Variants in ARHGAP6 observed in about 807,000 individuals in gnomAD.
ARHGAP6 encodes rho GTPase-activating protein 6.
Under a neutral mutation model 55.7 loss-of-function variants are expected in ARHGAP6, and 16 were observed. The ratio of observed to expected loss-of-function variants is 0.29; its 90% CI spans 0.19 to 0.44. The LOEUF (loss-of-function observed/expected upper bound fraction) is 0.44, where lower values mean the gene tolerates loss of function less well. ARHGAP6 is among the 20% of genes least tolerant of loss of function. The pLI is 1.00. For missense variants in ARHGAP6, 698 were observed against 808.9 expected, an observed-to-expected ratio of 0.86 and a Z score of 1.66; for synonymous variants, 382 against 360.9, an observed-to-expected ratio of 1.06 and a Z score of -0.66.
chrX:11,431,170 A>C (rs778002872), intron 1 of ARHGAP6, among the ~76,000 whole-genome samples: 1 of 112,144 alleles, frequency 8.9e-6, no homozygotes, highest in African/African-American at 3.2e-5. Context: ...TTTTTTAAAA[A>C]ATAATAAATT....
intron 1 of ARHGAP6, among the ~76,000 whole-genome samples, chrX:11,392,230 C>T (rs1184806646): frequency 2.7e-5 from 3 of 111,791 alleles, no homozygotes; most frequent in African/African-American, 9.8e-5. Flanking sequence ...AGGTAACTTG[C>T]CCCAGCCTTA....
chrX:11,655,516 G>A (rs755861345), intron 1 of ARHGAP6, among the ~76,000 whole-genome samples: 1 of 111,935 alleles, frequency 8.9e-6, no homozygotes, highest in East Asian at 2.8e-4. Context: ...TGAGAGTTCC[G>A]ATTTTTCTAC....
chrX:11,255,953 C>T (rs1356966340), intron 1 of ARHGAP6, among the ~76,000 whole-genome samples: 1 of 112,258 alleles, frequency 8.9e-6, no homozygotes, highest in African/African-American at 3.2e-5. Context: ...AGGCATGCTG[C>T]AACAGATTTG....
chrX:11,253,962 T>C (rs751354090), intron 2 of ARHGAP6, among the ~76,000 whole-genome samples: 2 of 110,884 alleles, frequency 1.8e-5, no homozygotes, highest in Non-Finnish European at 3.8e-5. Context: ...CAAAGTTTTA[T>C]GGATTCAAGG....
At chrX:11,381,073 G>T (rs774683219) in intron 1 of ARHGAP6, among the ~76,000 whole-genome samples, 2 of 112,887 alleles carry the variant, frequency 1.8e-5, no homozygotes, top group Middle Eastern at 4.6e-3. Flanking sequence ...GGTTAAGTGA[G>T]GATGTATTTA....
intron 1 of ARHGAP6, among the ~76,000 whole-genome samples, chrX:11,521,845 T>C (rs2050932103): frequency 9.0e-6 from 1 of 111,350 alleles, no homozygotes; most frequent in Non-Finnish European, 1.9e-5. Context: ...GAGCAGTGGT[T>C]TGTGGTTCTC....
At chrX:11,429,891 C>A (rs918780210) in intron 1 of ARHGAP6, among the ~76,000 whole-genome samples, 1 of 112,235 alleles carries the variant, frequency 8.9e-6, no homozygotes, top group African/African-American at 3.2e-5. Flanking sequence ...GCAGCCAGGG[C>A]AGCCTGATGG....
At chrX:11,173,220 G>A (rs1389194928) in intron 8 of ARHGAP6, among the ~76,000 whole-genome samples, 2 of 112,061 alleles carry the variant, frequency 1.8e-5, no homozygotes, top group Admixed American at 9.4e-5. Flanking sequence ...GGGGAAACGG[G>A]AAAACGAGCT....
At chrX:11,534,510 T>C (rs2051083514) in intron 1 of ARHGAP6, among the ~76,000 whole-genome samples, 1 of 110,263 alleles carries the variant, frequency 9.1e-6, no homozygotes, top group Non-Finnish European at 1.9e-5. Flanking sequence ...AGAGGGCTTC[T>C]AGAAGCATCC....
At chrX:11,444,546 G>T (rs2050072930) in intron 1 of ARHGAP6, among the ~76,000 whole-genome samples, 1 of 112,194 alleles carries the variant, frequency 8.9e-6, no homozygotes, top group African/African-American at 3.2e-5. Context: ...GCCCTTTTGA[G>T]CTCCCCTCTT....
intron 1 of ARHGAP6, among the ~76,000 whole-genome samples, chrX:11,491,336 T>A (rs2050564927): frequency 9.0e-6 from 1 of 110,936 alleles, no homozygotes. Flanking sequence ...TAGCATTAGG[T>A]ATATCTCCTA....
intron 4 of ARHGAP6, among the ~76,000 whole-genome samples, chrX:11,187,190 C>T (rs2046396858): frequency 9.0e-6 from 1 of 111,370 alleles, no homozygotes; most frequent in Non-Finnish European, 1.9e-5. Context: ...GTACTTACAG[C>T]CTGCCATTTG....
intron 1 of ARHGAP6, among the ~76,000 whole-genome samples, chrX:11,349,137 G>A (rs1345885210): frequency 1.8e-5 from 2 of 109,393 alleles, no homozygotes; most frequent in Non-Finnish European, 3.8e-5. Flanking sequence ...GTTAGGATAA[G>A]CATTTTACTA....
Position 11,138,516 on chromosome X carries a change from T to C in ARHGAP6, c.*347A>G, listed in dbSNP as rs893100933. 1 of 242,577 alleles carries C rather than the reference T, an allele frequency of 4.1e-6. No individual in the cohort carries two copies. Among genetic ancestry groups the C allele is most frequent in the African/African-American group, 2.9e-5 (1 of 34,273 alleles). The allele number at this position is 242,577 out of a possible 1,213,427, so 20.0% of individuals were successfully genotyped here. On this transcript the variant is annotated 3_prime_UTR_variant, in exon 13 of 13. Coordinates refer to ENST00000337414, the MANE Select transcript of ARHGAP6 (RefSeq NM_013427.3). ...TCATATATGATTATACATAATCTGT[T>C]ACAGAATACACAATAGTCAAAACCG...
chrX:11,462,716 C>T (rs2050257264), intron 1 of ARHGAP6, among the ~76,000 whole-genome samples: 1 of 112,305 alleles, frequency 8.9e-6, no homozygotes, highest in Non-Finnish European at 1.9e-5. Flanking sequence ...GCTTTACCTG[C>T]ATGGGATTCA....
chrX:11,358,433 CTTTCTTTCTTTCTT>C (rs1415224991), intron 1 of ARHGAP6, among the ~76,000 whole-genome samples: 60 of 28,737 alleles, frequency 2.1e-3, no homozygotes, highest in African/African-American at 5.9e-3. Context: ...TTAACTGTAT[CTTTCTTTCTTTCTT>C]TCTTTCTTTC....
At chrX:11,573,178 T>C (rs1339276529) in intron 1 of ARHGAP6, among the ~76,000 whole-genome samples, 1 of 110,771 alleles carries the variant, frequency 9.0e-6, no homozygotes, top group African/African-American at 3.3e-5. Flanking sequence ...GTGCAGAAGC[T>C]CTTTAGTTTA....
intron 1 of ARHGAP6, among the ~76,000 whole-genome samples, chrX:11,491,318 C>T (rs758158984): frequency 6.3e-5 from 7 of 110,829 alleles, no homozygotes; most frequent in South Asian, 7.8e-4. Context: ...ACCCATTAAC[C>T]CGTCATTTAG....
intron 1 of ARHGAP6, among the ~76,000 whole-genome samples, chrX:11,283,122 G>A (rs1412493874): frequency 8.9e-6 from 1 of 112,029 alleles, no homozygotes; most frequent in Admixed American, 9.5e-5. Flanking sequence ...CAGAGATTCA[G>A]CATCAATCCC....
Sources: allele counts gnomAD v4.1 joint callset (sites outside exome capture counted in the v4.1 genomes callset), GRCh38; gene constraint gnomAD v4.1.1; transcripts MANE v1.5; gene names NCBI Gene and HGNC (gene_info 2026-07-23, HGNC 2026-07-21).